The following OCLN variants were observed in gnomAD, a reference collection of about 807,000 sequenced individuals.
The protein encoded by OCLN is occludin.
A neutral mutation model predicts 47.9 loss-of-function variants in OCLN; 21 were observed. The ratio of observed to expected loss-of-function variants is 0.44; its 90% CI spans 0.31 to 0.63. The LOEUF is 0.63. Among genes scored for constraint, OCLN ranks in the 30% least tolerant of loss-of-function variants. The pLI is 0.08. For synonymous variants in OCLN, 117 were observed against 198.4 expected, an observed-to-expected ratio of 0.59 and a Z score of 3.45; for missense variants, 360 against 571.0, an observed-to-expected ratio of 0.63 and a Z score of 3.77.
At chr5:69,517,767 C>T (rs1185421718) in intron 4 of OCLN, among the ~76,000 whole-genome samples, 1 of 151,998 alleles carries the variant, frequency 6.6e-6, no homozygotes, top group African/African-American at 2.4e-5. Context: ...TTCTTATGTC[C>T]CTGCCCTTGA....
intron 4 of OCLN, among the ~76,000 whole-genome samples, chr5:69,533,730 G>T (rs1043285414): frequency 6.6e-6 from 1 of 152,168 alleles, no homozygotes; most frequent in African/African-American, 2.4e-5. Context: ...TCTGCTCACT[G>T]CAACCTCCGC....
At chr5:69,508,935 A>G (rs564507232) in intron 2 of OCLN, among the ~76,000 whole-genome samples, 1 of 152,206 alleles carries the variant, frequency 6.6e-6, no homozygotes, top group Non-Finnish European at 1.5e-5. Flanking sequence ...ATACCCCCAA[A>G]CAGAGATAAC....
chr5:69,518,211 C>T (rs980539035), intron 4 of OCLN, among the ~76,000 whole-genome samples: 14 of 152,190 alleles, frequency 9.2e-5, no homozygotes. Context: ...AAAATTCCTC[C>T]TTGAACCTCT....
intron 4 of OCLN, among the ~76,000 whole-genome samples, chr5:69,521,498 A>G (rs1769136787): frequency 6.6e-6 from 1 of 152,180 alleles, no homozygotes; most frequent in Non-Finnish European, 1.5e-5. Flanking sequence ...TTAGCTGGGC[A>G]TGGTAGCTCG....
chr5:69,494,482 A>T (rs1768236558), intron 1 of OCLN, among the ~76,000 whole-genome samples: 1 of 152,220 alleles, frequency 6.6e-6, no homozygotes, highest in South Asian at 2.1e-4. Context: ...CACCACACCC[A>T]GCCTTTATGA....
chr5:69,519,244 T>C (rs1769063041), intron 4 of OCLN, among the ~76,000 whole-genome samples: 1 of 152,220 alleles, frequency 6.6e-6, no homozygotes, highest in Admixed American at 6.5e-5. Context: ...TGTTACTAAA[T>C]CTTACTGACT....
intron 4 of OCLN, among the ~76,000 whole-genome samples, chr5:69,520,071 G>A (rs944341633): frequency 2.6e-5 from 4 of 152,122 alleles, no homozygotes; most frequent in African/African-American, 9.7e-5. Context: ...TGATTCTCCT[G>A]CCTCAGCCTT....
rs1768194604 is a variant in OCLN, at chr5:69,493,308, T to A, written c.-69+408T>A. Reference sequence around the variant, plus strand: ...GAGAGGGATCCTGCGCCCAGCTCCTTGGGGGTCCTAAGCCTGAGGCTGCAG... The same window carrying A: ...GAGAGGGATCCTGCGCCCAGCTCCTAGGGGGTCCTAAGCCTGAGGCTGCAG... On this transcript the variant is annotated intron_variant, in intron 1 of 8. Coordinates refer to ENST00000396442, the MANE Select transcript of OCLN (RefSeq NM_001205254.2). This position sits in a 1 kb window ranked among gnomAD's most constrained non-coding sequence, Gnocchi z 5.3. 6.6e-6 allele frequency among the ~76,000 whole-genome samples: 1 copy of A among 151,734 alleles called. No homozygotes were observed. Among genetic ancestry groups the A allele is most frequent in the African/African-American group, 2.4e-5 (1 of 41,286 alleles).
intron 5 of OCLN, among the ~76,000 whole-genome samples, chr5:69,536,779 T>C (rs890581214): frequency 2.6e-5 from 4 of 151,666 alleles, no homozygotes; most frequent in Non-Finnish European, 4.4e-5. Context: ...CCATCCTGGC[T>C]AACAGGGTGA....
chr5:69,528,841 A>G (rs1365902332), intron 4 of OCLN, among the ~76,000 whole-genome samples: 2 of 152,220 alleles, frequency 1.3e-5, no homozygotes, highest in African/African-American at 2.4e-5. Flanking sequence ...TCTTAGAGGT[A>G]GATGGCTTTT....
chr5:69,512,163 A>G (rs1468029025), intron 3 of OCLN, among the ~76,000 whole-genome samples: 1 of 151,870 alleles, frequency 6.6e-6, no homozygotes, highest in Non-Finnish European at 1.5e-5. Context: ...TATGTTTTCT[A>G]TTATTTAATT....
chr5:69,515,758 G>A (rs1194594332), intron 4 of OCLN, among the ~76,000 whole-genome samples: 3 of 149,518 alleles, frequency 2.0e-5, no homozygotes, highest in African/African-American at 7.4e-5. Flanking sequence ...TTGCCAGGCG[G>A]AGGGTCTCCT....
At chr5:69,517,829 A>C (rs751735986) in intron 4 of OCLN, among the ~76,000 whole-genome samples, 3 of 151,842 alleles carry the variant, frequency 2.0e-5, no homozygotes, top group Non-Finnish European at 4.4e-5. Flanking sequence ...AGGTGTTAGG[A>C]AGTGTTTTCT....
intron 1 of OCLN, among the ~76,000 whole-genome samples, chr5:69,496,954 A>C (rs1422723608): frequency 6.6e-6 from 1 of 151,658 alleles, no homozygotes; most frequent in Non-Finnish European, 1.5e-5. Flanking sequence ...CTTCATTCTC[A>C]TTTTTTCCTT....
At chr5:69,504,943 G>A (rs973679749) in intron 2 of OCLN, among the ~76,000 whole-genome samples, 1 of 147,582 alleles carries the variant, frequency 6.8e-6, no homozygotes, top group Non-Finnish European at 1.5e-5. Flanking sequence ...GACAGAGCGA[G>A]ACTCCGTCTG....
intron 4 of OCLN, among the ~76,000 whole-genome samples, chr5:69,532,999 A>ATGTGTGTG (rs373564373): frequency 0.06 from 8,296 of 137,508 alleles, 410 homozygotes; most frequent in African/African-American, 0.12. Context: ...GTATGCATGT[A>ATGTGTGTG]TGTGTGTGTG....
In OCLN at chr5:69,514,070, A is replaced by T; in HGVS notation, c.852A>T (p.Glu284Asp). 1 of 1,614,170 alleles carries T rather than the reference A, an allele frequency of 6.2e-7. No individual in the cohort carries two copies. Among genetic ancestry groups the T allele is most frequent in the South Asian group, 1.1e-5 (1 of 91,082 alleles). The part of the protein sequence containing the change: ...YDKSNILWDK[E>D]HIYDEQPPNV... ...AGTCCAATATTTTGTGGGACAAGGA[A>T]CACATTTATGATGAGCAGCCCCCCA... Residue 284 changes from glutamate to aspartate, a missense_variant, in exon 4 of 9, where the codon GAA (glutamate) becomes GAT (aspartate). Glu to Asp is a conservative substitution (Grantham distance 45). Coordinates refer to ENST00000396442, the MANE Select transcript of OCLN (RefSeq NM_001205254.2).
At chr5:69,530,579 T>TG (rs1259892253) in intron 4 of OCLN, 1 of 152,172 alleles carries the variant, frequency 6.6e-6, no homozygotes, top group Non-Finnish European at 1.5e-5. Flanking sequence ...TCTAGACTGT[T>TG]GGAGTCTGGC....
At chr5:69,497,384 G>GC (rs1279967136) in intron 1 of OCLN, among the ~76,000 whole-genome samples, 1 of 115,000 alleles carries the variant, frequency 8.7e-6, no homozygotes, top group African/African-American at 2.8e-5. Context: ...GGTTTTTCTA[G>GC]ATTTTTTTTT....
Sources: gnomAD v4.1 joint callset for allele counts (sites outside exome capture counted in the v4.1 genomes callset) on GRCh38, gnomAD v4.1.1 for gene constraint, Gnocchi (gnomAD v3.1) non-coding constraint, MANE v1.5 for transcripts, NCBI Gene and HGNC (gene_info 2026-07-23, HGNC 2026-07-21) for gene names.